Variants in NRG1 observed in about 807,000 individuals in gnomAD.
NRG1 encodes pro-neuregulin-1, membrane-bound isoform.
Under a neutral mutation model 63.8 loss-of-function variants are expected in NRG1, and 18 were observed. The ratio of observed to expected loss-of-function variants is 0.28; its 90% CI spans 0.19 to 0.42. NRG1 has a LOEUF of 0.42. Ranked by LOEUF, NRG1 falls within the 10% of genes least tolerant of loss-of-function variation. The pLI, the probability that NRG1 is intolerant of heterozygous loss-of-function variation, is 1.00. For missense variants in NRG1, 762 were observed against 814.7 expected (o/e 0.94, Z 0.79); for synonymous variants, 302 against 301.3 (o/e 1.00, Z -0.02).
chr8:32,638,304 T>C (rs1469089379), intron 5 of NRG1, among the ~76,000 whole-genome samples: 2 of 152,140 alleles, frequency 1.3e-5, no homozygotes, highest in Non-Finnish European at 2.9e-5. Flanking sequence ...CCCTAGAACT[T>C]AAAGTATAAT....
intron 1 of NRG1, among the ~76,000 whole-genome samples, chr8:32,178,338 G>C (rs1173803326): frequency 2.0e-5 from 3 of 152,130 alleles, no homozygotes; most frequent in Non-Finnish European, 4.4e-5. Context: ...GGTCAGGCTC[G>C]ATGGCTCACC....
At chr8:32,090,314 T>C (rs916026667) in intron 1 of NRG1, among the ~76,000 whole-genome samples, 5 of 152,228 alleles carry the variant, frequency 3.3e-5, no homozygotes, top group African/African-American at 1.2e-4. Context: ...TGAAAATACA[T>C]TGAATCATTG....
intron 1 of NRG1, among the ~76,000 whole-genome samples, chr8:32,174,913 C>A (rs556299188): frequency 6.6e-6 from 1 of 152,202 alleles, no homozygotes; most frequent in African/African-American, 2.4e-5. Context: ...CAAGGAGGAG[C>A]TGGTACCATT....
At chr8:32,763,654 G>A in intron 11 of NRG1, 94 bp from the exon 12 acceptor site, 1 of 1,278,850 alleles carries the variant, frequency 7.8e-7, no homozygotes, top group South Asian at 1.5e-5. Flanking sequence ...TCTGTTCTCT[G>A]ATGATATAAT....
intron 1 of NRG1, among the ~76,000 whole-genome samples, chr8:31,855,142 G>A (rs1341135173): frequency 6.6e-6 from 1 of 152,078 alleles, no homozygotes; most frequent in African/African-American, 2.4e-5. Flanking sequence ...TTGGTGCAGA[G>A]CTGAGTTCAA....
In NRG1 at chr8:31,897,881, G is replaced by T. The variant is rs113095557; in HGVS notation, c.37+258450G>T. On this transcript the variant is annotated intron_variant, in intron 1 of 10. Transcript: ENST00000519301. ...AATACAAAAAAAAAATGAGCTAGGC[G>T]TGGTGGTGGGTGCCTGTAATCTCAG... Among the ~76,000 whole-genome samples the T allele has an allele frequency of 9.7e-3, 1,452 of 149,554 alleles. 21 individuals carry two copies. Among genetic ancestry groups the T allele is most frequent in the Non-Finnish European group, 0.016 (1,074 of 67,628 alleles).
chr8:32,340,547 T>A (rs554325027), intron 1 of NRG1, among the ~76,000 whole-genome samples: 2 of 152,316 alleles, frequency 1.3e-5, no homozygotes, highest in South Asian at 4.1e-4. Flanking sequence ...ATGGCATTAT[T>A]TAAAGGAATT....
chr8:31,882,085 A>G (rs1404128267), intron 1 of NRG1, among the ~76,000 whole-genome samples: 1 of 152,142 alleles, frequency 6.6e-6, no homozygotes, highest in Non-Finnish European at 1.5e-5. Context: ...GCTGGAGAGA[A>G]TAAGGAAATG....
chr8:31,863,418 C>T (rs1828653901), intron 1 of NRG1, among the ~76,000 whole-genome samples: 1 of 152,120 alleles, frequency 6.6e-6, no homozygotes. Flanking sequence ...ATGTTACCTG[C>T]CAAGATATGT....
chr8:32,517,087 T>C (rs1829896240), intron 1 of NRG1, among the ~76,000 whole-genome samples: 1 of 152,170 alleles, frequency 6.6e-6, no homozygotes, highest in Non-Finnish European at 1.5e-5. Context: ...AATTTATAGT[T>C]CTCCATCTGC....
At chr8:32,016,965 T>G (rs1020115586) in intron 1 of NRG1, among the ~76,000 whole-genome samples, 3 of 152,184 alleles carry the variant, frequency 2.0e-5, no homozygotes, top group Admixed American at 6.5e-5. Flanking sequence ...TCCAAGATTT[T>G]CCAGAGAAAT....
chr8:32,445,598 A>C (rs1195360196), intron 1 of NRG1, among the ~76,000 whole-genome samples: 1 of 152,232 alleles, frequency 6.6e-6, no homozygotes, highest in African/African-American at 2.4e-5. Context: ...TAACCAAAAA[A>C]ACAAACAACA....
chr8:32,113,772 G>T (rs1313707766), intron 1 of NRG1, among the ~76,000 whole-genome samples: 3 of 152,186 alleles, frequency 2.0e-5, no homozygotes, highest in African/African-American at 7.2e-5. Flanking sequence ...ACTTAGAGCA[G>T]AATAAGAAAA....
chr8:32,730,254 C>G (rs1823300420), intron 6 of NRG1, among the ~76,000 whole-genome samples: 1 of 152,046 alleles, frequency 6.6e-6, no homozygotes, highest in East Asian at 1.9e-4. Context: ...TGGAGACCAA[C>G]CTGGACAATG....
intron 1 of NRG1, among the ~76,000 whole-genome samples, chr8:31,857,502 G>A (rs955355399): frequency 5.9e-5 from 9 of 152,092 alleles, no homozygotes; most frequent in East Asian, 1.9e-4. Context: ...ACTGACCTGC[G>A]CCCACTGTCT....
At chr8:32,014,363 G>T (rs960372580) in intron 1 of NRG1, among the ~76,000 whole-genome samples, 8 of 152,006 alleles carry the variant, frequency 5.3e-5, no homozygotes, top group Non-Finnish European at 1.0e-4. Flanking sequence ...GTCTCTTATT[G>T]GTATATAGGA....
chr8:32,647,501 G>C (rs949901944), intron 5 of NRG1: 3 of 985,262 alleles, frequency 3.0e-6, no homozygotes, highest in Non-Finnish European at 3.6e-6. Flanking sequence ...AGAAACAGCA[G>C]CTTAAAGAAT....
At chr8:31,940,204 C>G (rs1801546587) in intron 1 of NRG1, among the ~76,000 whole-genome samples, 1 of 152,082 alleles carries the variant, frequency 6.6e-6, no homozygotes, top group African/African-American at 2.4e-5. Flanking sequence ...CAAGTACTCT[C>G]TCAGACTACA....
chr8:32,370,310 T>G (rs1432049406), intron 1 of NRG1, among the ~76,000 whole-genome samples: 1 of 152,160 alleles, frequency 6.6e-6, no homozygotes, highest in African/African-American at 2.4e-5. Flanking sequence ...CATTTCAGAA[T>G]GGAAACAAAA....
Sources: allele counts gnomAD v4.1 joint callset (sites outside exome capture counted in the v4.1 genomes callset), GRCh38; gene constraint gnomAD v4.1.1; transcripts MANE v1.5; gene names NCBI Gene and HGNC (gene_info 2026-07-23, HGNC 2026-07-21).